Variants in TGFBR3 observed in about 807,000 individuals in gnomAD.
TGFBR3 encodes the protein transforming growth factor beta receptor type 3.
Under a neutral mutation model 87.9 loss-of-function variants are expected in TGFBR3, and 46 were observed. That is an observed-to-expected ratio of 0.52 (90% CI 0.41 to 0.67). The LOEUF is 0.67. TGFBR3 is among the 30% of genes least tolerant of loss of function. The pLI is 0.00. For synonymous variants in TGFBR3, 381 were observed against 391.6 expected, an observed-to-expected ratio of 0.97 and a Z score of 0.32; for missense variants, 866 against 1,041.9, an observed-to-expected ratio of 0.83 and a Z score of 2.32.
At chr1:91,806,480 G>A (rs1557720887) in intron 2 of TGFBR3, among the ~76,000 whole-genome samples, 5 of 152,036 alleles carry the variant, frequency 3.3e-5, no homozygotes, top group South Asian at 2.1e-4. Context: ...ACTGGCGGGG[G>A]GGGTAATGTT....
At chr1:91,724,467 C>T (rs1235778152) in intron 7 of TGFBR3, among the ~76,000 whole-genome samples, 1 of 152,140 alleles carries the variant, frequency 6.6e-6, no homozygotes, top group Non-Finnish European at 1.5e-5. Flanking sequence ...GAGAAAATAT[C>T]GTATTTCCAG....
At chr1:91,836,543 G>A (rs1399762744) in intron 2 of TGFBR3, among the ~76,000 whole-genome samples, 1 of 152,122 alleles carries the variant, frequency 6.6e-6, no homozygotes, top group Non-Finnish European at 1.5e-5. Context: ...GCTCCATTAA[G>A]TTCTCCTGCT....
At chr1:91,773,087 T>C (rs1674438951) in intron 3 of TGFBR3, among the ~76,000 whole-genome samples, 1 of 152,152 alleles carries the variant, frequency 6.6e-6, no homozygotes, top group South Asian at 2.1e-4. Context: ...ATCATTCATT[T>C]TAAAAAGGGG....
intron 1 of TGFBR3, among the ~76,000 whole-genome samples, chr1:91,879,807 T>C (rs946098516): frequency 3.9e-5 from 6 of 152,158 alleles, no homozygotes; most frequent in African/African-American, 1.4e-4. Context: ...TCAAAAGATA[T>C]AAAATAAGAA....
rs17885877 is a variant in TGFBR3, at chr1:91,696,360, TA to T, written c.2330-582del. On this transcript the variant is annotated intron_variant, in intron 15 of 16. Transcript: ENST00000212355. ...TTATAACATTTCACCGATCTCCTCA[TA>T]TTAAACTCTTAATCTTAACAGCTTC... Among the ~76,000 whole-genome samples the T allele has an allele frequency of 1.4e-3, 207 of 152,356 alleles. 1 individual carries two copies. The highest frequency in any genetic ancestry group is 4.6e-3 in the African/African-American group (190 of 41,586).
intron 15 of TGFBR3, 67 bp from the exon 16 acceptor site, chr1:91,695,846 ATT>A: frequency 1.6e-6 from 2 of 1,282,598 alleles, no homozygotes; most frequent in Non-Finnish European, 2.3e-6. Context: ...GCAATTTTAT[ATT>A]TGTTTCACAA....
intron 2 of TGFBR3, among the ~76,000 whole-genome samples, chr1:91,859,082 C>T (rs1021617870): frequency 2.6e-5 from 4 of 151,720 alleles, no homozygotes; most frequent in African/African-American, 9.7e-5. Context: ...AAATCTGTAA[C>T]TCTACTGTCC....
intron 2 of TGFBR3, among the ~76,000 whole-genome samples, chr1:91,819,553 G>C (rs965152638): frequency 4.6e-5 from 7 of 152,112 alleles, no homozygotes; most frequent in Admixed American, 4.6e-4. Flanking sequence ...GGGCCTACAG[G>C]CATCAGCAGC....
chr1:91,797,252 G>C (rs369420594), intron 3 of TGFBR3, 35 bp downstream of exon 3: 3 of 1,610,238 alleles, frequency 1.9e-6, no homozygotes, highest in Non-Finnish European at 8.5e-7. Context: ...TGCAGACTCA[G>C]TGGCAGTGGG....
chr1:91,746,537 T>G (rs1433895452), intron 4 of TGFBR3, among the ~76,000 whole-genome samples: 1 of 152,234 alleles, frequency 6.6e-6, no homozygotes. Flanking sequence ...GTTGGTATCA[T>G]TACTATTACT....
At chr1:91,759,860 T>C (rs1175590174) in intron 3 of TGFBR3, among the ~76,000 whole-genome samples, 1 of 152,232 alleles carries the variant, frequency 6.6e-6, no homozygotes, top group African/African-American at 2.4e-5. Context: ...CCACGATCTG[T>C]GTCTATACAA....
At chr1:91,701,893 C>T (rs1421999158) in intron 14 of TGFBR3, among the ~76,000 whole-genome samples, 1 of 152,158 alleles carries the variant, frequency 6.6e-6, no homozygotes, top group Non-Finnish European at 1.5e-5. Context: ...TGTAACTGAA[C>T]CCTTTTTCTG....
intron 2 of TGFBR3, among the ~76,000 whole-genome samples, chr1:91,813,917 T>C (rs1217311862): frequency 6.6e-6 from 1 of 152,208 alleles, no homozygotes; most frequent in Non-Finnish European, 1.5e-5. Context: ...ATCCTTCATA[T>C]GCGCAGTTCA....
upstream of TGFBR3, among the ~76,000 whole-genome samples, chr1:91,888,732 A>G (rs1679385897): frequency 6.6e-6 from 1 of 152,136 alleles, no homozygotes; most frequent in African/African-American, 2.4e-5. Flanking sequence ...TGTATCAATC[A>G]TGTTAAGGCC....
chr1:91,710,852 C>A (rs1671955872), intron 13 of TGFBR3, among the ~76,000 whole-genome samples: 1 of 152,108 alleles, frequency 6.6e-6, no homozygotes, highest in African/African-American at 2.4e-5. Flanking sequence ...TGTTATCTTA[C>A]CTTGGGGGTA....
At chr1:91,853,667 G>A (rs1388849761) in intron 2 of TGFBR3, among the ~76,000 whole-genome samples, 1 of 152,148 alleles carries the variant, frequency 6.6e-6, no homozygotes, top group African/African-American at 2.4e-5. Flanking sequence ...AATAAGCCAG[G>A]CACAGAGCGA....
At chr1:91,838,092 A>C (rs1677123348) in intron 2 of TGFBR3, among the ~76,000 whole-genome samples, 1 of 152,194 alleles carries the variant, frequency 6.6e-6, no homozygotes. Context: ...ACTTCCCTGC[A>C]AGGACCAAGA....
At chr1:91,808,209 T>C (rs1675906480) in intron 2 of TGFBR3, among the ~76,000 whole-genome samples, 1 of 152,178 alleles carries the variant, frequency 6.6e-6, no homozygotes, top group Admixed American at 6.5e-5. Context: ...GCAGGAGTGC[T>C]TGAGGCCAGG....
intron 1 of TGFBR3, among the ~76,000 whole-genome samples, chr1:91,900,887 T>C (rs1263197659): frequency 1.3e-5 from 2 of 152,180 alleles, no homozygotes; most frequent in African/African-American, 2.4e-5. Context: ...AAAAAAGTTA[T>C]TGGGTTTGGT....
Sources: allele counts gnomAD v4.1 joint callset (sites outside exome capture counted in the v4.1 genomes callset), GRCh38; gene constraint gnomAD v4.1.1; transcripts MANE v1.5; gene names NCBI Gene and HGNC (gene_info 2026-07-23, HGNC 2026-07-21).